The following GAB1 variants were observed in gnomAD, a reference collection of about 807,000 sequenced individuals.
GAB1 encodes GRB2-associated-binding protein 1.
In GAB1, 19 loss-of-function variants were observed where a neutral mutation model predicts 66.5. The ratio of observed to expected loss-of-function variants is 0.29; its 90% CI spans 0.20 to 0.42. The LOEUF is 0.42. Ranked by LOEUF, GAB1 falls within the 10% of genes least tolerant of loss-of-function variation. The probability of loss-of-function intolerance (pLI) is 1.00; values close to 1 mark genes in which losing one functional copy is unlikely to be tolerated. For synonymous variants in GAB1, 294 were observed against 301.4 expected (o/e 0.98, Z 0.25); for missense variants, 732 against 858.5 (o/e 0.85, Z 1.84).
At chr4:143,342,428 AAC>A (rs778658463) in intron 1 of GAB1, among the ~76,000 whole-genome samples, 1 of 152,164 alleles carries the variant, frequency 6.6e-6, no homozygotes, top group Non-Finnish European at 1.5e-5. Context: ...TAAGGAGTAA[AAC>A]ACACAGCGTT....
At chr4:143,398,354 C>T (rs1254388675) in intron 1 of GAB1, among the ~76,000 whole-genome samples, 1 of 152,076 alleles carries the variant, frequency 6.6e-6, no homozygotes. Flanking sequence ...TTGATTTTTA[C>T]ACAGTTTTTA....
chr4:143,443,964 C>T (rs1324725723), intron 6 of GAB1, among the ~76,000 whole-genome samples: 1 of 152,142 alleles, frequency 6.6e-6, no homozygotes, highest in Non-Finnish European at 1.5e-5. Flanking sequence ...TTTCATCATA[C>T]TATTTCTGTC....
chr4:143,364,392 G>A (rs28989217), intron 1 of GAB1, among the ~76,000 whole-genome samples: 225 of 152,294 alleles, frequency 1.5e-3, no homozygotes, highest in Non-Finnish European at 2.6e-3. Context: ...TTAAACTTAA[G>A]AAAGGATGAG....
chr4:143,428,026 G>T (rs1733456608), intron 2 of GAB1, among the ~76,000 whole-genome samples: 2 of 152,194 alleles, frequency 1.3e-5, no homozygotes, highest in Non-Finnish European at 2.9e-5. Flanking sequence ...TATGGGGGTG[G>T]GAATATGTGC....
intron 2 of GAB1, among the ~76,000 whole-genome samples, chr4:143,421,780 C>T (rs1209943508): frequency 6.8e-6 from 1 of 146,910 alleles, no homozygotes; most frequent in East Asian, 2.0e-4. Flanking sequence ...GGCCCTGTCA[C>T]CTAGATTTCT....
intron 1 of GAB1, among the ~76,000 whole-genome samples, chr4:143,338,205 TG>T (rs1355593883): frequency 6.6e-6 from 1 of 152,240 alleles, no homozygotes; most frequent in Non-Finnish European, 1.5e-5. Flanking sequence ...TCCTCCCCAT[TG>T]GTTGTTTTGT....
chr4:143,349,861 C>T, intron 1 of GAB1: 1 of 1,583,988 alleles, frequency 6.3e-7, no homozygotes, highest in South Asian at 1.1e-5. Context: ...GAGAGAGGCC[C>T]CCAGGAAAAA....
intron 1 of GAB1, chr4:143,395,773 T>C (rs567425430): frequency 1.5e-4 from 60 of 402,288 alleles, no homozygotes; most frequent in African/African-American, 1.1e-3. Flanking sequence ...CATTATGCTG[T>C]GCCCCTTCTT....
intron 1 of GAB1, among the ~76,000 whole-genome samples, chr4:143,388,210 G>A (rs1286534028): frequency 6.6e-6 from 1 of 151,878 alleles, no homozygotes; most frequent in African/African-American, 2.4e-5. Flanking sequence ...GTTATTCCAT[G>A]TATGTTTCTA....
chr4:143,369,904 A>G (rs568619700), intron 1 of GAB1, among the ~76,000 whole-genome samples: 1 of 152,376 alleles, frequency 6.6e-6, no homozygotes, highest in Non-Finnish European at 1.5e-5. Context: ...TTATTTCCAT[A>G]GCAGCACTAA....
intron 2 of GAB1, chr4:143,426,145 C>T (rs188108270): frequency 2.5e-6 from 1 of 407,206 alleles, no homozygotes; most frequent in East Asian, 4.5e-5. Flanking sequence ...GCCAGATTCT[C>T]TAACAGAATA....
At chr4:143,426,405 A>G (rs1352013765) in intron 2 of GAB1, among the ~76,000 whole-genome samples, 2 of 152,108 alleles carry the variant, frequency 1.3e-5, no homozygotes, top group African/African-American at 4.8e-5. Flanking sequence ...TAAAAAATTA[A>G]CCAGATGTGG....
intron 1 of GAB1, among the ~76,000 whole-genome samples, chr4:143,405,107 A>G (rs142785817): frequency 3.6e-4 from 55 of 152,342 alleles, no homozygotes; most frequent in South Asian, 8.3e-4. Context: ...TCAAATGGAC[A>G]TTGACATTAT....
At chr4:143,439,693 G>C (rs1734120873) in intron 4 of GAB1, 109 bp from the exon 5 acceptor site, 1 of 708,948 alleles carries the variant, frequency 1.4e-6, no homozygotes, top group African/African-American at 1.8e-5. Context: ...CTGTGTGTGT[G>C]CATGTGTGTA....
chr4:143,345,355 T>C (rs1728953665), intron 1 of GAB1, among the ~76,000 whole-genome samples: 1 of 152,174 alleles, frequency 6.6e-6, no homozygotes, highest in Non-Finnish European at 1.5e-5. Flanking sequence ...AGTTATGTGT[T>C]CAAAAAACAA....
At chr4:143,344,772 C>T (rs1241462640) in intron 1 of GAB1, among the ~76,000 whole-genome samples, 1 of 152,044 alleles carries the variant, frequency 6.6e-6, no homozygotes, top group Non-Finnish European at 1.5e-5. Flanking sequence ...AGAAGAATGC[C>T]CTAACTGGAA....
In GAB1 at chr4:143,464,418, C is replaced by T. The variant is rs140409883; in HGVS notation, c.1804-1685C>T. On this transcript the variant is annotated intron_variant, in intron 8 of 9. Coordinates refer to ENST00000262994, the MANE Select transcript of GAB1 (RefSeq NM_002039.4). ...TAGTTTTTGTAGTTTTTAGTAGAGA[C>T]GGGGTTTCACCATGTTGGCCAGGCT... 4.8e-3 allele frequency among the ~76,000 whole-genome samples: 727 copies of T among 151,906 alleles called. 3 individuals carry two copies. Among genetic ancestry groups the T allele is most frequent in the African/African-American group, 0.017 (689 of 41,462 alleles).
chr4:143,442,988 A>T (rs1225135087), intron 6 of GAB1, among the ~76,000 whole-genome samples: 1 of 149,368 alleles, frequency 6.7e-6, no homozygotes, highest in Non-Finnish European at 1.5e-5. Context: ...TTCAAAAAAA[A>T]TTTACTTTTC....
rs143907343 is a variant in GAB1, at chr4:143,417,397, T to A, written c.367+1626T>A. The stretch of plus-strand genomic sequence containing the variant: ...AGTGGAATTCTACCTCGGGTACTTT[T>A]TTATTATTATTATTATTTTCTTTTT... On this transcript the variant is annotated intron_variant, in intron 2 of 9. Transcript: ENST00000262994. 217 of 420,472 alleles carry A rather than the reference T, an allele frequency of 5.2e-4. 2 individuals carry two copies. The East Asian group carries it at 7.8e-3, about 15-fold the overall frequency. 26.0% of individuals were successfully genotyped at this position (420,472 alleles called of 1,614,324 possible).
Sources: gnomAD v4.1 joint callset for allele counts (sites outside exome capture counted in the v4.1 genomes callset) on GRCh38, gnomAD v4.1.1 for gene constraint, MANE v1.5 for transcripts, NCBI Gene and HGNC (gene_info 2026-07-23, HGNC 2026-07-21) for gene names.